Variants in RABGEF1 observed in about 807,000 individuals in gnomAD.
The protein encoded by RABGEF1 is rab5 GDP/GTP exchange factor.
A neutral mutation model predicts 57.3 loss-of-function variants in RABGEF1; 26 were observed. The observed-to-expected ratio is 0.45, with a 90% CI of 0.33 to 0.63. RABGEF1 has a LOEUF of 0.63. Among genes scored for constraint, RABGEF1 ranks in the 20% least tolerant of loss-of-function variants. The pLI is 0.02. For synonymous variants in RABGEF1, 185 were observed against 210.7 expected (o/e 0.88, Z 1.06); for missense variants, 464 against 607.6 (o/e 0.76, Z 2.48).
At chr7:66,723,790 G>A (rs1169238930) in intron 2 of RABGEF1, among the ~76,000 whole-genome samples, 1 of 134,516 alleles carries the variant, frequency 7.4e-6, no homozygotes, top group Non-Finnish European at 1.7e-5. Flanking sequence ...ATGTTGGTCA[G>A]GCTGGTCTCG....
intron 1 of RABGEF1, among the ~76,000 whole-genome samples, chr7:66,746,727 G>A (rs539356742): frequency 6.8e-6 from 1 of 148,038 alleles, no homozygotes; most frequent in South Asian, 2.2e-4. Flanking sequence ...CGGTTCAAGC[G>A]ATTCTTGTGC....
At chr7:66,672,014 G>C in the RABGEF1 span, among the ~76,000 whole-genome samples, 436 of 151,904 alleles carry the variant, frequency 2.9e-3, 1 homozygote, top group African/African-American at 9.9e-3. Flanking sequence ...TGAGGTTTCA[G>C]TATGTTGGCC....
chr7:66,655,045 C>T, the RABGEF1 span, among the ~76,000 whole-genome samples: 1 of 152,240 alleles, frequency 6.6e-6, no homozygotes, highest in African/African-American at 2.4e-5. Flanking sequence ...CCCATGACCT[C>T]TCTGGAACGC....
At chr7:66,706,169 T>C (rs1794060483) in intron 1 of RABGEF1, among the ~76,000 whole-genome samples, 1 of 151,796 alleles carries the variant, frequency 6.6e-6, no homozygotes. Context: ...CGCAAAGTCC[T>C]GGGATTATAG....
At chr7:66,660,205 G>A in the RABGEF1 span, among the ~76,000 whole-genome samples, 2 of 152,020 alleles carry the variant, frequency 1.3e-5, no homozygotes, top group Non-Finnish European at 2.9e-5. Context: ...AAAATCAGCC[G>A]GGTGTGGTGG....
At chr7:66,724,866 G>A (rs1796427783) in intron 2 of RABGEF1, among the ~76,000 whole-genome samples, 1 of 152,060 alleles carries the variant, frequency 6.6e-6, no homozygotes, top group Non-Finnish European at 1.5e-5. Flanking sequence ...TTTTCCCTTG[G>A]TGCTTTAGTT....
chr7:66,658,736 C>CT, the RABGEF1 span, among the ~76,000 whole-genome samples: 3 of 151,978 alleles, frequency 2.0e-5, no homozygotes, highest in South Asian at 2.1e-4. Context: ...GAAATACTTT[C>CT]TTTTTTTTGT....
At chr7:66,765,209 T>A (rs1004520883) in intron 1 of RABGEF1, among the ~76,000 whole-genome samples, 5 of 151,068 alleles carry the variant, frequency 3.3e-5, no homozygotes, top group African/African-American at 1.2e-4. Flanking sequence ...TTCAGAAATA[T>A]TACATAGTTT....
intron 4 of RABGEF1, among the ~76,000 whole-genome samples, chr7:66,785,132 C>T (rs1190674503): frequency 6.6e-6 from 1 of 152,114 alleles, no homozygotes; most frequent in Non-Finnish European, 1.5e-5. Context: ...TGTGTTCTTA[C>T]TCTGTAATAA....
At position 66,810,005 on chromosome 7, in the gene RABGEF1, T is replaced by G. The variant is rs1789234230; in HGVS notation, c.*721T>G. 6.6e-6 allele frequency: 1 copy of G among 152,374 alleles called. No individual in the cohort carries two copies. Among genetic ancestry groups the G allele is most frequent in the Admixed American group, 6.5e-5 (1 of 15,276 alleles). 9.4% of individuals were successfully genotyped at this position (152,374 alleles called of 1,614,324 possible). On this transcript the variant is annotated 3_prime_UTR_variant, in exon 9 of 9. Transcript: ENST00000284957. ...GTTTAGGCCACATAAAATTGCTGTT[T>G]AATGTAGTCGATGGAAGACTTTAAA...
At chr7:66,762,791 G>T (rs993342544) in intron 1 of RABGEF1, among the ~76,000 whole-genome samples, 1 of 152,054 alleles carries the variant, frequency 6.6e-6, no homozygotes, top group African/African-American at 2.4e-5. Context: ...GGAGATGAGG[G>T]TTGGGTAGGC....
At chr7:66,698,422 C>T (rs1296912940) in intron 1 of RABGEF1, among the ~76,000 whole-genome samples, 1 of 152,174 alleles carries the variant, frequency 6.6e-6, no homozygotes, top group East Asian at 1.9e-4. Context: ...GAGGAGAGTG[C>T]AAGGTCCCCA....
At chr7:66,763,858 C>T (rs1392880060) in intron 1 of RABGEF1, among the ~76,000 whole-genome samples, 1 of 152,174 alleles carries the variant, frequency 6.6e-6, no homozygotes, top group East Asian at 1.9e-4. Flanking sequence ...TATGGATATA[C>T]CACATTTTGT....
At chr7:66,687,168 C>T (rs1790789003) in intron 1 of RABGEF1, among the ~76,000 whole-genome samples, 2 of 131,912 alleles carry the variant, frequency 1.5e-5, no homozygotes, top group African/African-American at 2.8e-5. Flanking sequence ...CTCTGTTGCT[C>T]AGGCTGGAGT....
intron 4 of RABGEF1, among the ~76,000 whole-genome samples, chr7:66,786,705 T>C (rs1420230573): frequency 6.6e-6 from 1 of 152,178 alleles, no homozygotes; most frequent in Non-Finnish European, 1.5e-5. Flanking sequence ...CGCCCAGTGC[T>C]ATTCAGCAAA....
At position 66,802,949 on chromosome 7, in the gene RABGEF1, G is replaced by GA. The variant is rs904666685; in HGVS notation, c.821-2182dup. On this transcript the variant is annotated intron_variant, in intron 7 of 8. Transcript: ENST00000284957. ...AAGAAAGTAGTTTAAATAAAAGAGA[G>GA]AAAAAAAAATCACCAATAAAAGGTA... Among the ~76,000 whole-genome samples, 10 of 150,268 alleles carry GA rather than the reference G, an allele frequency of 6.7e-5. No individual in the cohort carries two copies. The South Asian group carries it at 1.3e-3, about 19-fold the overall frequency.
chr7:66,709,013 AT>A (rs918597348), intron 1 of RABGEF1, among the ~76,000 whole-genome samples: 46 of 144,080 alleles, frequency 3.2e-4, no homozygotes, highest in Admixed American at 4.2e-4. Context: ...CCTTATTTTA[AT>A]TTTTTTTTTT....
intron 1 of RABGEF1, among the ~76,000 whole-genome samples, chr7:66,759,134 A>T (rs1803562788): frequency 6.6e-6 from 1 of 152,210 alleles, no homozygotes; most frequent in South Asian, 2.1e-4. Context: ...CCATTACCCC[A>T]AAGACTTCCC....
At chr7:66,694,418 G>A (rs935983442) in intron 1 of RABGEF1, among the ~76,000 whole-genome samples, 8 of 152,238 alleles carry the variant, frequency 5.3e-5, no homozygotes, top group Non-Finnish European at 1.0e-4. Flanking sequence ...TGATGAACCC[G>A]GGGAGTTGGA....
Sources: allele counts gnomAD v4.1 joint callset (sites outside exome capture counted in the v4.1 genomes callset), GRCh38; gene constraint gnomAD v4.1.1; transcripts MANE v1.5; gene names NCBI Gene and HGNC (gene_info 2026-07-23, HGNC 2026-07-21).